The following TLL1 variants were observed in gnomAD, a reference collection of about 807,000 sequenced individuals.
The protein encoded by TLL1 is tolloid-like protein 1.
In TLL1, 49 loss-of-function variants were observed where a neutral mutation model predicts 128.2. The observed-to-expected ratio is 0.38, with a 90% CI of 0.30 to 0.48. The LOEUF is 0.48. Ranked by LOEUF, TLL1 falls within the 20% of genes least tolerant of loss-of-function variation. TLL1 has a pLI of 0.96. For missense variants in TLL1, 1,123 were observed against 1,242.0 expected (o/e 0.90, Z 1.44); for synonymous variants, 454 against 418.8 (o/e 1.08, Z -1.03).
At chr4:165,974,638 G>C (rs1735789926) in intron 1 of TLL1, among the ~76,000 whole-genome samples, 1 of 152,144 alleles carries the variant, frequency 6.6e-6, no homozygotes, top group Non-Finnish European at 1.5e-5. Flanking sequence ...TATTTTCCCT[G>C]TATTGCACAA....
chr4:166,008,674 T>A (rs1488958834), intron 7 of TLL1, among the ~76,000 whole-genome samples: 2 of 151,586 alleles, frequency 1.3e-5, no homozygotes, highest in Non-Finnish European at 1.5e-5. Flanking sequence ...TGGGTTTTGA[T>A]CTACTTCATT....
intron 1 of TLL1, among the ~76,000 whole-genome samples, chr4:165,889,217 A>G (rs986402257): frequency 2.6e-5 from 4 of 152,236 alleles, no homozygotes; most frequent in African/African-American, 9.6e-5. Context: ...TGTTATGATG[A>G]TTAAATGGCT....
chr4:165,877,112 G>T (rs1465636517), intron 1 of TLL1, among the ~76,000 whole-genome samples: 1 of 152,184 alleles, frequency 6.6e-6, no homozygotes, highest in Non-Finnish European at 1.5e-5. Flanking sequence ...AACTTTAAAA[G>T]TTACACTATC....
chr4:166,043,193 T>C, intron 11 of TLL1, 81 bp from the exon 12 acceptor site: 1 of 1,598,350 alleles, frequency 6.3e-7, no homozygotes, highest in East Asian at 2.2e-5. Context: ...GGAGCTGAAC[T>C]TCAATGTTAC....
intron 5 of TLL1, among the ~76,000 whole-genome samples, chr4:165,996,452 T>A (rs1023481431): frequency 1.3e-5 from 2 of 151,922 alleles, no homozygotes; most frequent in Non-Finnish European, 1.5e-5. Context: ...CTACTAAAAA[T>A]ACAAAAATTA....
intron 1 of TLL1, among the ~76,000 whole-genome samples, chr4:165,924,060 T>C (rs561192484): frequency 1.2e-4 from 18 of 152,306 alleles, no homozygotes; most frequent in African/African-American, 3.8e-4. Flanking sequence ...TTACCAACCA[T>C]TTTCCAGTAT....
chr4:166,085,599 G>A (rs968032656), intron 18 of TLL1, among the ~76,000 whole-genome samples: 1 of 151,818 alleles, frequency 6.6e-6, no homozygotes, highest in African/African-American at 2.4e-5. Context: ...TGTGTATGTT[G>A]AACCATCCTT....
chr4:165,986,309 TACACAGAA>T (rs544374640), intron 1 of TLL1, among the ~76,000 whole-genome samples: 150 of 152,192 alleles, frequency 9.9e-4, no homozygotes, highest in Non-Finnish European at 1.9e-3. Flanking sequence ...AATATTTTAG[TACACAGAA>T]ATAGGACACA....
At chr4:166,047,509 ATATATTATAT>A (rs71974428) in intron 12 of TLL1, among the ~76,000 whole-genome samples, 2 of 147,950 alleles carry the variant, frequency 1.4e-5, no homozygotes, top group South Asian at 4.2e-4. Context: ...ATAATTAATA[ATATATTATAT>A]TATATTATTA....
intron 19 of TLL1, among the ~76,000 whole-genome samples, chr4:166,092,045 AGT>A (rs772688799): frequency 0.91 from 138,321 of 151,810 alleles, 63,614 homozygotes; most frequent in East Asian, 1. Context: ...CAGTTAAGAC[AGT>A]ATATCAGTTA....
chr4:166,063,504 G>A (rs1424816500), intron 15 of TLL1, among the ~76,000 whole-genome samples: 2 of 152,090 alleles, frequency 1.3e-5, no homozygotes, highest in Admixed American at 1.3e-4. Context: ...TATACCCAAA[G>A]GATTATAAAT....
chr4:166,027,375 A>T (rs1011034967), intron 9 of TLL1, among the ~76,000 whole-genome samples: 2 of 152,128 alleles, frequency 1.3e-5, no homozygotes, highest in East Asian at 1.9e-4. Flanking sequence ...CAATTTTTTT[A>T]AAAGTTTGAT....
intron 14 of TLL1, among the ~76,000 whole-genome samples, chr4:166,058,751 T>G (rs11729467): frequency 0.44 from 66,262 of 151,962 alleles, 15,768 homozygotes; most frequent in African/African-American, 0.64. Flanking sequence ...ATTTATGTAT[T>G]TATTGGTTTA....
At chr4:166,032,729 GT>G (rs1284862351) in intron 9 of TLL1, among the ~76,000 whole-genome samples, 5 of 152,056 alleles carry the variant, frequency 3.3e-5, no homozygotes, top group African/African-American at 1.2e-4. Context: ...GAATACATGA[GT>G]TGAAAATAAG....
At position 165,921,826 on chromosome 4, in the gene TLL1, G is replaced by GT. The variant is rs570259297; in HGVS notation, c.169+47761dup. 6.6e-4 allele frequency among the ~76,000 whole-genome samples: 100 copies of GT among 151,842 alleles called. 1 individual carries two copies. In the South Asian group the frequency reaches 6.7e-3, roughly 10 times the overall value. On this transcript the variant is annotated intron_variant, in intron 1 of 20. Coordinates refer to ENST00000061240, the MANE Select transcript of TLL1 (RefSeq NM_012464.5). Reference sequence around the variant, plus strand: ...AGCTGTATCTGTCATACCACTTACAGTTTTTTTTAAAAAAAAGTTTAAACA... The same window carrying GT: ...AGCTGTATCTGTCATACCACTTACAGTTTTTTTTTAAAAAAAAGTTTAAACA...
intron 1 of TLL1, among the ~76,000 whole-genome samples, chr4:165,980,589 C>T (rs972208111): frequency 2.6e-5 from 4 of 152,088 alleles, no homozygotes; most frequent in Non-Finnish European, 5.9e-5. Context: ...ACTGGTAAAA[C>T]TAGACACCTT....
chr4:165,918,281 C>T (rs1273238150), intron 1 of TLL1, among the ~76,000 whole-genome samples: 1 of 152,050 alleles, frequency 6.6e-6, no homozygotes, highest in Non-Finnish European at 1.5e-5. Flanking sequence ...GCTTAAGGTA[C>T]AGCATCATAG....
rs372043905 is a variant in TLL1 at position 165,913,871 on chromosome 4, A to G, written c.169+39798A>G. On this transcript the variant is annotated intron_variant, in intron 1 of 20. Transcript: ENST00000061240. The stretch of plus-strand genomic sequence containing the variant: ...TCTACAAAAAATACAAAAAATGACC[A>G]GAGTGTGGGTGGTGTGTACCTGTAG... Among the ~76,000 whole-genome samples, 16 of 152,156 alleles carry G rather than the reference A, an allele frequency of 1.1e-4. 1 individual carries two copies. Among genetic ancestry groups the G allele is most frequent in the Admixed American group, 4.6e-4 (7 of 15,288 alleles).
chr4:166,017,070 T>C (rs1435836769), intron 8 of TLL1, among the ~76,000 whole-genome samples: 4 of 152,074 alleles, frequency 2.6e-5, no homozygotes, highest in Non-Finnish European at 5.9e-5. Flanking sequence ...ACAGGTAGTT[T>C]TCAACCCTTG....
Sources: gnomAD v4.1 joint callset for allele counts (sites outside exome capture counted in the v4.1 genomes callset) on GRCh38, gnomAD v4.1.1 for gene constraint, MANE v1.5 for transcripts, NCBI Gene and HGNC (gene_info 2026-07-23, HGNC 2026-07-21) for gene names.